The following NAV2 variants were observed in gnomAD, a reference collection of about 807,000 sequenced individuals.
NAV2 encodes the protein neuron navigator 2, also known as helicase, APC down-regulated 1.
NAV2 carries 54 observed loss-of-function variants against 223.2 expected under a neutral mutation model. That is an observed-to-expected ratio of 0.24 (90% CI 0.19 to 0.30). The LOEUF is 0.30. Ranked by LOEUF, NAV2 falls within the 10% of genes least tolerant of loss-of-function variation. The pLI, the probability that NAV2 is intolerant of heterozygous loss-of-function variation, is 1.00. For synonymous variants in NAV2, 1,279 were observed against 1,239.3 expected (o/e 1.03, Z -0.67); for missense variants, 2,806 against 3,147.5 (o/e 0.89, Z 2.60).
At chr11:19,897,778 G>A (rs530709714) in intron 6 of NAV2, among the ~76,000 whole-genome samples, 3 of 151,792 alleles carry the variant, frequency 2.0e-5, no homozygotes, top group African/African-American at 7.3e-5. Context: ...AGGAAAACCT[G>A]CAAGTTGTTT....
Position 20,107,337 on chromosome 11 carries a change from C to T in NAV2, c.6842-327C>T, listed in dbSNP as rs190969231. 2.3e-4 allele frequency: 42 copies of T among 184,692 alleles called. 1 individual carries two copies. Among genetic ancestry groups the T allele is most frequent in the African/African-American group, 9.2e-4 (39 of 42,522 alleles). The allele number at this position is 184,692 out of a possible 1,614,324, so 11.4% of individuals were successfully genotyped here. On this transcript the variant is annotated intron_variant, in intron 35 of 37. Transcript: ENST00000349880. ...TCCTGACCTTGTGATCCACCCGCCTCAGCCTCCCAAAGTGCTGGGATTATA... is the reference window on the plus strand; with the variant it reads ...TCCTGACCTTGTGATCCACCCGCCTTAGCCTCCCAAAGTGCTGGGATTATA...
intron 1 of NAV2, among the ~76,000 whole-genome samples, chr11:19,810,286 G>T (rs1002400394): frequency 6.6e-6 from 1 of 152,176 alleles, no homozygotes. Flanking sequence ...GTGTTTTGGA[G>T]TGGGGATATA....
In NAV2 at chr11:19,948,964, C is replaced by T; in HGVS notation, c.2529C>T (p.Val843=). ...SRGSSVCHVD[V]SDKAGDEMDL... ...GCAGTAGTGTCTGCCATGTGGACGT[C>T]TCAGACAAGGCAGGAGATGAGATGG... is the stretch of plus-strand genomic sequence containing the variant. The change falls in exon 10 of 38, where the codon GTC becomes GTT. Residue 843 remains valine (V), a synonymous_variant. Coordinates refer to ENST00000349880, the MANE Select transcript of NAV2 (RefSeq NM_145117.5). 1 of 1,614,006 alleles carries T rather than the reference C, an allele frequency of 6.2e-7. No individual in the cohort carries two copies. The highest frequency in any genetic ancestry group is 8.5e-7 in the Non-Finnish European group (1 of 1,179,904).
intron 10 of NAV2, among the ~76,000 whole-genome samples, chr11:19,950,028 C>T (rs1322546698): frequency 6.6e-6 from 1 of 152,180 alleles, no homozygotes; most frequent in Non-Finnish European, 1.5e-5. Context: ...TTCATGCTCC[C>T]CTCTCAGATC....
intron 1 of NAV2, among the ~76,000 whole-genome samples, chr11:19,678,615 T>C (rs527852853): frequency 3.7e-4 from 57 of 152,270 alleles, no homozygotes; most frequent in African/African-American, 1.3e-3. Context: ...AGCCCGCAGA[T>C]GGGAAGGCAG....
intron 1 of NAV2, among the ~76,000 whole-genome samples, chr11:19,442,301 CT>C (rs2133708288): frequency 6.6e-6 from 1 of 152,374 alleles, no homozygotes; most frequent in East Asian, 1.9e-4. Context: ...CCTATTTCCC[CT>C]GCTCATTGCC....
At chr11:19,401,527 G>A (rs1214425041) in intron 1 of NAV2, among the ~76,000 whole-genome samples, 1 of 152,180 alleles carries the variant, frequency 6.6e-6, no homozygotes, top group Non-Finnish European at 1.5e-5. Context: ...TTAGACATTA[G>A]AGCGAGACAG....
At chr11:19,821,223 C>T (rs531891365) in intron 1 of NAV2, among the ~76,000 whole-genome samples, 56 of 147,542 alleles carry the variant, frequency 3.8e-4, no homozygotes, top group African/African-American at 1.4e-3. Flanking sequence ...GATTGCGCCA[C>T]TGCACTCCAG....
chr11:19,752,135 T>C (rs2053874608), intron 1 of NAV2, among the ~76,000 whole-genome samples: 1 of 152,162 alleles, frequency 6.6e-6, no homozygotes, highest in African/African-American at 2.4e-5. Context: ...CAAGAACTAA[T>C]TACATCCCCA....
chr11:19,860,315 A>G (rs1259420865), intron 3 of NAV2, among the ~76,000 whole-genome samples: 934 of 90,542 alleles, frequency 0.01, no homozygotes, highest in Middle Eastern at 0.025. Context: ...CTTCTCAGAC[A>G]GGGCGGTTGC....
chr11:19,820,340 T>C (rs1275178799), intron 1 of NAV2, among the ~76,000 whole-genome samples: 3 of 152,240 alleles, frequency 2.0e-5, no homozygotes, highest in African/African-American at 7.2e-5. Context: ...CAGTAACTAA[T>C]GAACACAGGG....
intron 1 of NAV2, among the ~76,000 whole-genome samples, chr11:19,538,001 T>C (rs1249353241): frequency 6.6e-6 from 1 of 152,150 alleles, no homozygotes; most frequent in African/African-American, 2.4e-5. Context: ...ACATGACTGT[T>C]ATGAGAAGGA....
chr11:19,618,972 T>C (rs2135398274), intron 1 of NAV2, among the ~76,000 whole-genome samples: 1 of 224 alleles, frequency 4.5e-3, no homozygotes, highest in Middle Eastern at 0.25. Context: ...AGTGTTCTCA[T>C]TGTTCAATTC....
chr11:19,897,240 G>A lies in NAV2; in HGVS notation c.931+4646G>A, dbSNP rs376297474. Among the ~76,000 whole-genome samples, 24 of 152,222 alleles carry A rather than the reference G, an allele frequency of 1.6e-4. No individual in the cohort carries two copies. The East Asian group carries it at 3.7e-3, about 23-fold the overall frequency. On this transcript the variant is annotated intron_variant, in intron 6 of 37. Coordinates refer to ENST00000349880, the MANE Select transcript of NAV2 (RefSeq NM_145117.5). ...ACACACCGGGGCCTGTTGTGGGGTG[G>A]GGGGAGGAGGAGGGATAGCATTTGG...
rs202166409 is a variant in NAV2 at position 19,948,841 on chromosome 11, T to C, written c.2406T>C (p.Asn802=). The change falls in exon 10 of 38, where the codon AAT becomes AAC. Residue 802 remains asparagine, a synonymous_variant. Transcript: ENST00000349880. Reference sequence around the variant, plus strand: ...CAGGAGACGCCCCCTCAATGGGCAATGGGTATCCCCCTCGAGCCAACGCCA... The same window carrying C: ...CAGGAGACGCCCCCTCAATGGGCAACGGGTATCCCCCTCGAGCCAACGCCA... ...LQAGDAPSMG[N]GYPPRANASR... 91 of 1,613,818 alleles carry C rather than the reference T, an allele frequency of 5.6e-5. No individual in the cohort carries two copies. Among genetic ancestry groups the C allele is most frequent in the Non-Finnish European group, 7.4e-5 (87 of 1,180,000 alleles).
chr11:19,794,244 GCTTT>G (rs953294704), intron 1 of NAV2, among the ~76,000 whole-genome samples: 5 of 152,168 alleles, frequency 3.3e-5, no homozygotes, highest in Non-Finnish European at 7.3e-5. Context: ...TTGTAAGGAG[GCTTT>G]CTTCTCACTC....
upstream of NAV2, among the ~76,000 whole-genome samples, chr11:19,345,835 G>A (rs1852976223): frequency 6.6e-6 from 1 of 152,154 alleles, no homozygotes; most frequent in African/African-American, 2.4e-5. This position sits in a 1 kb window ranked among gnomAD's most constrained non-coding sequence, Gnocchi z 5.2. Context: ...GCTTGTTCTT[G>A]TGTTTCTGAC....
At chr11:19,377,200 A>C (rs568796937) in intron 1 of NAV2, among the ~76,000 whole-genome samples, 3 of 152,334 alleles carry the variant, frequency 2.0e-5, no homozygotes, top group South Asian at 2.1e-4. Flanking sequence ...GCATTGCCCC[A>C]AGGAAGCAGC....
chr11:19,520,131 G>A (rs1425445844), intron 1 of NAV2, among the ~76,000 whole-genome samples: 2 of 152,168 alleles, frequency 1.3e-5, no homozygotes, highest in Non-Finnish European at 2.9e-5. Flanking sequence ...GGTGCCCAGA[G>A]CTCCACTCTC....
Sources: allele counts gnomAD v4.1 joint callset (sites outside exome capture counted in the v4.1 genomes callset), GRCh38; gene constraint gnomAD v4.1.1; non-coding constraint Gnocchi (gnomAD v3.1); transcripts MANE v1.5; gene names NCBI Gene and HGNC (gene_info 2026-07-23, HGNC 2026-07-21).